RANBP2: variants seen among roughly 807,000 people sequenced by gnomAD.
RANBP2 encodes the protein E3 SUMO-protein ligase RanBP2.
Under a neutral mutation model 303.6 loss-of-function variants are expected in RANBP2, and 57 were observed. The ratio of observed to expected loss-of-function variants is 0.19; its 90% confidence interval spans 0.15 to 0.23. The LOEUF is 0.23. RANBP2 is among the 10% of genes least tolerant of loss of function. The probability of loss-of-function intolerance (pLI) is 1.00; values close to 1 mark genes in which losing one functional copy is unlikely to be tolerated. For missense variants in RANBP2, 3,138 were observed against 3,780.8 expected, an observed-to-expected ratio of 0.83 and a Z score of 4.46; for synonymous variants, 1,167 against 1,301.5, an observed-to-expected ratio of 0.90 and a Z score of 2.23.
At chr2:109,360,456 C>T in the RANBP2 span, among the ~76,000 whole-genome samples, 46 of 152,182 alleles carry the variant, frequency 3.0e-4, no homozygotes, top group Admixed American at 6.5e-4. Context: ...TATAAAATTA[C>T]CTTCAGGTTG....
the RANBP2 span, among the ~76,000 whole-genome samples, chr2:108,795,872 T>C: frequency 2.0e-5 from 3 of 152,110 alleles, no homozygotes; most frequent in Non-Finnish European, 4.4e-5. Flanking sequence ...AGCAAAGGAA[T>C]GTCAGAGTAA....
the RANBP2 span, among the ~76,000 whole-genome samples, chr2:109,197,937 T>C: frequency 6.6e-6 from 1 of 152,206 alleles, no homozygotes; most frequent in Non-Finnish European, 1.5e-5. Context: ...TTGGGCAGCC[T>C]TGGTTATTTG....
chr2:109,548,643 G>C, the RANBP2 span, among the ~76,000 whole-genome samples: 1 of 152,218 alleles, frequency 6.6e-6, no homozygotes, highest in Non-Finnish European at 1.5e-5. Context: ...AGGTGTGGCA[G>C]TGTGCGCCTG....
chr2:108,874,429 G>A, the RANBP2 span, among the ~76,000 whole-genome samples: 7 of 152,056 alleles, frequency 4.6e-5, no homozygotes, highest in South Asian at 2.1e-4. Context: ...TGTATTTTCC[G>A]TGATTCTTGG....
At chr2:109,641,398 A>G in the RANBP2 span, among the ~76,000 whole-genome samples, 1 of 152,186 alleles carries the variant, frequency 6.6e-6, no homozygotes, top group African/African-American at 2.4e-5. Context: ...CACACAATGG[A>G]ATGTTATTCA....
the RANBP2 span, among the ~76,000 whole-genome samples, chr2:108,834,534 A>G: frequency 6.6e-6 from 1 of 152,138 alleles, no homozygotes; most frequent in Non-Finnish European, 1.5e-5. Flanking sequence ...CTTTTTATAC[A>G]CTAAGTATTG....
At chr2:109,151,191 A>T in the RANBP2 span, among the ~76,000 whole-genome samples, 1 of 152,216 alleles carries the variant, frequency 6.6e-6, no homozygotes, top group South Asian at 2.1e-4. Context: ...TATTGAAAAT[A>T]TGTGTCCAGT....
the RANBP2 span, among the ~76,000 whole-genome samples, chr2:109,341,437 C>A: frequency 6.6e-6 from 1 of 152,186 alleles, no homozygotes; most frequent in Non-Finnish European, 1.5e-5. Flanking sequence ...GATGACAGCA[C>A]ATAAATGATA....
At chr2:108,790,896 C>T in the RANBP2 span, among the ~76,000 whole-genome samples, 9 of 152,060 alleles carry the variant, frequency 5.9e-5, no homozygotes, top group Admixed American at 6.5e-5. Context: ...GGACTACAGA[C>T]GTGCACCACT....
chr2:109,397,507 A>C, the RANBP2 span, among the ~76,000 whole-genome samples: 1 of 152,168 alleles, frequency 6.6e-6, no homozygotes, highest in Non-Finnish European at 1.5e-5. Context: ...ATAGGTGTGC[A>C]CTTAGGCTGA....
At chr2:109,741,398 G>T in the RANBP2 span, among the ~76,000 whole-genome samples, 1 of 152,052 alleles carries the variant, frequency 6.6e-6, no homozygotes, top group Non-Finnish European at 1.5e-5. Context: ...GGAGAACATG[G>T]TCAACTTGGT....
chr2:109,042,126 G>T, the RANBP2 span, among the ~76,000 whole-genome samples: 1 of 152,156 alleles, frequency 6.6e-6, no homozygotes, highest in Non-Finnish European at 1.5e-5. Context: ...TTGGTATCAA[G>T]TTTAAGCTTT....
chr2:108,736,956 T>G (rs1695634211), intron 6 of RANBP2, among the ~76,000 whole-genome samples: 1 of 150,650 alleles, frequency 6.6e-6, no homozygotes, highest in Non-Finnish European at 1.5e-5. Flanking sequence ...GTTGAGTGGT[T>G]GCAGCAGAGA....
the RANBP2 span, among the ~76,000 whole-genome samples, chr2:109,546,829 T>C: frequency 6.6e-6 from 1 of 152,296 alleles, no homozygotes; most frequent in African/African-American, 2.4e-5. Flanking sequence ...AAAATACTCA[T>C]CATAGTAGAA....
At chr2:109,479,957 C>G in the RANBP2 span, among the ~76,000 whole-genome samples, 1 of 152,100 alleles carries the variant, frequency 6.6e-6, no homozygotes, top group African/African-American at 2.4e-5. Flanking sequence ...CCCTCTGCAG[C>G]CCAGTGGTAT....
At chr2:109,149,948 T>G in the RANBP2 span, among the ~76,000 whole-genome samples, 1 of 152,230 alleles carries the variant, frequency 6.6e-6, no homozygotes, top group Non-Finnish European at 1.5e-5. Flanking sequence ...AAACTAGTGG[T>G]TCTTGACTTG....
chr2:108,899,559 A>G, the RANBP2 span, among the ~76,000 whole-genome samples: 3 of 152,262 alleles, frequency 2.0e-5, no homozygotes, highest in African/African-American at 7.2e-5. Flanking sequence ...TCTGAATTAC[A>G]TTAGGCAGTT....
the RANBP2 span, among the ~76,000 whole-genome samples, chr2:109,211,895 G>T: frequency 3.9e-5 from 6 of 152,178 alleles, no homozygotes; most frequent in South Asian, 1.2e-3. Flanking sequence ...CGCCCTCCTC[G>T]GCCTCCCAAA....
chr2:109,675,220 C>T, the RANBP2 span, among the ~76,000 whole-genome samples: 1 of 152,206 alleles, frequency 6.6e-6, no homozygotes, highest in African/African-American at 2.4e-5. Context: ...GTCCCTCTGT[C>T]TGATCTTGAA....
Sources: allele counts gnomAD v4.1 joint callset (sites outside exome capture counted in the v4.1 genomes callset), GRCh38; gene constraint gnomAD v4.1.1; transcripts MANE v1.5; gene names NCBI Gene and HGNC (gene_info 2026-07-23, HGNC 2026-07-21).